Variants in USH2A observed in about 807,000 individuals in gnomAD.
USH2A encodes the protein usherin.
A neutral mutation model predicts 538.9 loss-of-function variants in USH2A; 443 were observed. The observed-to-expected ratio is 0.82, with a 90% CI of 0.76 to 0.89. USH2A has a LOEUF of 0.89. Among genes scored for constraint, USH2A ranks in the 40% least tolerant of loss-of-function variants. USH2A has a pLI of 0.00. For synonymous variants in USH2A, 2,413 were observed against 2,273.5 expected (o/e 1.06, Z -1.75); for missense variants, 6,633 against 6,324.8 (o/e 1.05, Z -1.65).
intron 9 of USH2A, among the ~76,000 whole-genome samples, chr1:216,304,925 T>C (rs1004606949): frequency 7.2e-5 from 11 of 152,256 alleles, no homozygotes; most frequent in Middle Eastern, 3.4e-3. Context: ...GAGACTTGTT[T>C]TGTGGCCTAT....
At chr1:216,354,284 A>T (rs988728412) in intron 4 of USH2A, among the ~76,000 whole-genome samples, 43 of 152,188 alleles carry the variant, frequency 2.8e-4, no homozygotes, top group Non-Finnish European at 1.0e-4. Flanking sequence ...AATATGATTT[A>T]CTTCCACCTC....
chr1:215,712,057 C>A (rs138536903), intron 61 of USH2A, among the ~76,000 whole-genome samples: 1 of 152,224 alleles, frequency 6.6e-6, no homozygotes, highest in African/African-American at 2.4e-5. Context: ...AGGCTTGTGG[C>A]GTGATGACCA....
rs142778105 is a variant in USH2A at position 216,171,945 on chromosome 1, T to G, written c.4627+3307A>C. Among the ~76,000 whole-genome samples, 598 of 152,160 alleles carry G rather than the reference T, an allele frequency of 3.9e-3. 1 individual carries two copies. Among genetic ancestry groups the G allele is most frequent in the African/African-American group, 0.014 (562 of 41,546 alleles). On this transcript the variant is annotated intron_variant, in intron 21 of 71. Coordinates refer to ENST00000307340, the MANE Select transcript of USH2A (RefSeq NM_206933.4). ...AATACATTCTTCCTGAAGATTAGAT[T>G]TTTTAAAAGAACACTTGTATCAGAA...
intron 22 of USH2A, 73 bp from the exon 23 acceptor site, chr1:216,089,212 A>C: frequency 6.7e-7 from 1 of 1,488,490 alleles, no homozygotes. Flanking sequence ...TATTTGTTAT[A>C]AACCAATTTA....
intron 61 of USH2A, 73 bp from the exon 62 acceptor site, chr1:215,680,449 T>C: frequency 6.7e-7 from 1 of 1,483,158 alleles, no homozygotes. Context: ...AAAGTCATTC[T>C]CTGAACCTCA....
intron 38 of USH2A, among the ~76,000 whole-genome samples, chr1:215,932,819 G>T (rs1666397601): frequency 6.6e-6 from 1 of 151,924 alleles, no homozygotes; most frequent in Non-Finnish European, 1.5e-5. Flanking sequence ...TCAGTTAATG[G>T]TTTACTCAGT....
intron 3 of USH2A, among the ~76,000 whole-genome samples, chr1:216,378,320 T>TAC (rs2038873820): frequency 1.3e-5 from 2 of 152,192 alleles, no homozygotes; most frequent in African/African-American, 4.8e-5. Context: ...ATTGGTACTT[T>TAC]ACATCTCCTA....
intron 64 of USH2A, among the ~76,000 whole-genome samples, chr1:215,656,540 C>A (rs1169729325): frequency 5.3e-5 from 8 of 152,184 alleles, no homozygotes; most frequent in African/African-American, 1.9e-4. Flanking sequence ...TAATCTTTTA[C>A]AAAAGATCTC....
intron 21 of USH2A, among the ~76,000 whole-genome samples, chr1:216,148,803 C>A (rs963245392): frequency 2.0e-5 from 3 of 150,942 alleles, no homozygotes; most frequent in Non-Finnish European, 4.4e-5. Flanking sequence ...CTCAAACATG[C>A]CTTCTTTACT....
chr1:215,997,487 G>C (rs1476119824), intron 34 of USH2A, among the ~76,000 whole-genome samples: 1 of 152,038 alleles, frequency 6.6e-6, no homozygotes, highest in Non-Finnish European at 1.5e-5. Context: ...ATTTGCCTTA[G>C]GTCACACAGT....
intron 32 of USH2A, among the ~76,000 whole-genome samples, chr1:216,027,021 T>G (rs554382316): frequency 6.6e-6 from 1 of 152,306 alleles, no homozygotes; most frequent in African/African-American, 2.4e-5. Flanking sequence ...TTTGCTTAAT[T>G]TTTACTACCT....
At chr1:216,330,965 A>G (rs1431695189) in intron 4 of USH2A, among the ~76,000 whole-genome samples, 1 of 152,100 alleles carries the variant, frequency 6.6e-6, no homozygotes, top group African/African-American at 2.4e-5. Context: ...GGATAATGAA[A>G]TCTATTTTAT....
rs553833861 is a variant in USH2A, at chr1:215,674,530, C to A, written c.13381G>T (p.Glu4461Ter). ...TLQVTGSESI[E>*]ITWKPPRNPN... ...TTTCTTGGAGGTTTCCAGGTGATTT[C>A]TATTGATTCTGAGCCTGTGACTTGC... The change falls in exon 63 of 72, where the codon GAA becomes TAA. Residue 4461 changes from glutamate (E) to a stop codon, truncating the protein, a stop_gained. Coordinates refer to ENST00000307340, the MANE Select transcript of USH2A (RefSeq NM_206933.4). LOFTEE classifies it high-confidence loss of function. The A allele has an allele frequency of 2.5e-6, 4 of 1,614,058 alleles. No homozygotes were observed. The highest frequency in any genetic ancestry group is 2.2e-5 in the East Asian group (1 of 44,864).
chr1:216,210,490 AAGC>A (rs1397207013), intron 15 of USH2A, among the ~76,000 whole-genome samples: 2 of 152,106 alleles, frequency 1.3e-5, no homozygotes, highest in African/African-American at 4.8e-5. Context: ...TGAAGGGCTG[AAGC>A]AGCTCAGGCA....
At chr1:216,413,064 T>G (rs1037971350) in intron 3 of USH2A, among the ~76,000 whole-genome samples, 3 of 152,114 alleles carry the variant, frequency 2.0e-5, no homozygotes, top group Non-Finnish European at 4.4e-5. Flanking sequence ...CATTATATTC[T>G]ATTGATCTTA....
At chr1:216,203,811 T>C (rs1397981472) in intron 16 of USH2A, among the ~76,000 whole-genome samples, 1 of 152,202 alleles carries the variant, frequency 6.6e-6, no homozygotes, top group Non-Finnish European at 1.5e-5. Context: ...ATAATATCTG[T>C]AGGTGATAGA....
chr1:216,018,189 G>A (rs1178438408), intron 32 of USH2A, among the ~76,000 whole-genome samples: 1 of 152,156 alleles, frequency 6.6e-6, no homozygotes, highest in Non-Finnish European at 1.5e-5. Context: ...CAGTCAAAGA[G>A]GGATCATTTG....
rs958058967 is a variant in USH2A at position 215,925,620 on chromosome 1, G to A, written c.7300+8996C>T. ...TGTGGCTTTTACATTATAAAAAGCAGTTAATCTCATCTTTCCTTCTACCCT... is the reference window on the plus strand; with the variant it reads ...TGTGGCTTTTACATTATAAAAAGCAATTAATCTCATCTTTCCTTCTACCCT... On this transcript the variant is annotated intron_variant, in intron 38 of 71. Transcript: ENST00000307340. 2.0e-5 allele frequency among the ~76,000 whole-genome samples: 3 copies of A among 152,112 alleles called. No individual in the cohort carries two copies. In the South Asian group the frequency reaches 6.2e-4, roughly 31 times the overall value.
intron 40 of USH2A, among the ~76,000 whole-genome samples, chr1:215,898,297 A>C (rs1446237754): frequency 1.3e-5 from 2 of 152,214 alleles, no homozygotes; most frequent in African/African-American, 4.8e-5. Flanking sequence ...CTCAAGCCCT[A>C]AATACCACAA....
Sources: allele counts gnomAD v4.1 joint callset (sites outside exome capture counted in the v4.1 genomes callset), GRCh38; gene constraint gnomAD v4.1.1; transcripts MANE v1.5; gene names NCBI Gene and HGNC (gene_info 2026-07-23, HGNC 2026-07-21).